The following ARHGAP8 variants were observed in gnomAD, a reference collection of about 807,000 sequenced individuals.
The protein encoded by ARHGAP8 is Rho GTPase activating protein 8.
ARHGAP8 carries 62 observed loss-of-function variants against 46.1 expected under a neutral mutation model. The ratio of observed to expected loss-of-function variants is 1.34; its 90% confidence interval spans 1.10 to 1.66. ARHGAP8 has a LOEUF of 1.66. Among genes scored for constraint, ARHGAP8 ranks in the 40% most tolerant of loss-of-function variants. The pLI, the probability that ARHGAP8 is intolerant of heterozygous loss-of-function variation, is 0.00. For missense variants in ARHGAP8, 923 were observed against 568.4 expected (o/e 1.62, Z -6.34); for synonymous variants, 375 against 243.1 (o/e 1.54, Z -5.05).
intron 4 of ARHGAP8, 98 bp from the exon 5 acceptor site, chr22:44,814,574 C>T (rs1187704042): frequency 2.0e-6 from 2 of 995,914 alleles, no homozygotes; most frequent in East Asian, 2.5e-5. Flanking sequence ...GAGTAACATT[C>T]TGAGACTCAC....
At position 44,845,460 on chromosome 22, in the gene ARHGAP8, G is replaced by A. The variant is rs560799512; in HGVS notation, c.670+118G>A. 3.6e-6 allele frequency: 5 copies of A among 1,393,498 alleles called. No individual in the cohort carries two copies. The South Asian group carries it at 6.3e-5, about 18-fold the overall frequency. The allele number at this position is 1,393,498 out of a possible 1,614,324, so 86.3% of individuals were successfully genotyped here. On this transcript the variant is annotated intron_variant, in intron 8 of 11. Transcript: ENST00000356099. ...AGGGGGTGTGACCAGGAAGGGAGGG[G>A]CTCAAGCACAGTGGCTCCAGGTCTG...
chr22:44,804,894 G>A (rs892884516), intron 3 of ARHGAP8, among the ~76,000 whole-genome samples: 2 of 152,192 alleles, frequency 1.3e-5, no homozygotes, highest in Non-Finnish European at 2.9e-5. Flanking sequence ...TGCCGGGAGC[G>A]ACTTCCACCA....
rs753869236 is a variant in ARHGAP8 at position 44,802,138 on chromosome 22, C to T, written c.141C>T (p.His47=). 21 of 1,614,032 alleles carry T rather than the reference C, an allele frequency of 1.3e-5. No homozygotes were observed. Among genetic ancestry groups the T allele is most frequent in the East Asian group, 1.1e-4 (5 of 44,890 alleles). Residue 47 remains histidine (H), a synonymous_variant, in exon 3 of 12, where the codon CAC becomes CAT. Transcript: ENST00000356099. ...GCTGCTGCCGGATGCCACCCTCCCA[C>T]GAGCTGGACCACCAGCGGCTGCTGG... ...TFSCCRMPPS[H]ELDHQRLLEY...
chr22:44,827,373 C>T (rs136667), intron 7 of ARHGAP8, among the ~76,000 whole-genome samples: 53,234 of 113,080 alleles, frequency 0.47, 11,731 homozygotes, highest in Non-Finnish European at 0.52. Flanking sequence ...GAGACAGTCT[C>T]GCTCTGTCCC....
At chr22:44,857,892 C>T (rs7291353) in intron 10 of ARHGAP8, among the ~76,000 whole-genome samples, 33,211 of 151,684 alleles carry the variant, frequency 0.22, 4,354 homozygotes, top group Admixed American at 0.26. Context: ...GCGGTTGTGA[C>T]GCTCAGCTCA....
intron 1 of ARHGAP8, among the ~76,000 whole-genome samples, chr22:44,773,240 T>C (rs1025396308): frequency 2.0e-5 from 3 of 152,218 alleles, no homozygotes; most frequent in Non-Finnish European, 4.4e-5. Context: ...TTATCTAGAT[T>C]GTTGAATGTA....
At chr22:44,770,677 A>T (rs1050892341) in intron 1 of ARHGAP8, among the ~76,000 whole-genome samples, 6 of 152,178 alleles carry the variant, frequency 3.9e-5, no homozygotes, top group African/African-American at 1.4e-4. Context: ...AAGTGCTGGG[A>T]TTACAGGCAT....
chr22:44,807,073 G>A (rs1349507856), intron 3 of ARHGAP8, among the ~76,000 whole-genome samples: 2 of 152,180 alleles, frequency 1.3e-5, no homozygotes, highest in African/African-American at 4.8e-5. Flanking sequence ...AGGCTGCTGC[G>A]GCTTTCTCCC....
At chr22:44,847,883 G>C in intron 8 of ARHGAP8, 90 bp from the exon 9 acceptor site, 1 of 1,521,742 alleles carries the variant, frequency 6.6e-7, no homozygotes, top group Non-Finnish European at 8.9e-7. Context: ...CCACAGGTGG[G>C]TGATGCCGTG....
At chr22:44,839,418 A>G (rs1931506106) in intron 7 of ARHGAP8, among the ~76,000 whole-genome samples, 1 of 152,226 alleles carries the variant, frequency 6.6e-6, no homozygotes, top group Non-Finnish European at 1.5e-5. Context: ...CAGAGTTCTA[A>G]TCACCGTTTA....
At chr22:44,846,875 AG>A (rs1218856378) in intron 8 of ARHGAP8, among the ~76,000 whole-genome samples, 1 of 150,652 alleles carries the variant, frequency 6.6e-6, no homozygotes, top group East Asian at 2.0e-4. Context: ...GGTCCCTGTT[AG>A]GGGGGTTGAC....
intron 2 of ARHGAP8, among the ~76,000 whole-genome samples, chr22:44,797,731 C>A (rs1163194947): frequency 6.6e-6 from 1 of 152,186 alleles, no homozygotes; most frequent in Non-Finnish European, 1.5e-5. Flanking sequence ...GCGGGGACAT[C>A]AAAGAGTTCA....
intron 8 of ARHGAP8, among the ~76,000 whole-genome samples, chr22:44,847,167 A>G (rs1450154614): frequency 1.3e-5 from 2 of 152,304 alleles, no homozygotes; most frequent in Non-Finnish European, 1.5e-5. Context: ...CAGGCCCCCC[A>G]AGGGCAGGCT....
chr22:44,780,035 A>G (rs2147033376), intron 1 of ARHGAP8, among the ~76,000 whole-genome samples: 1 of 152,322 alleles, frequency 6.6e-6, no homozygotes, highest in East Asian at 1.9e-4. Context: ...CAGGTGTCCC[A>G]TCTGCCAGGT....
intron 2 of ARHGAP8, among the ~76,000 whole-genome samples, chr22:44,795,962 C>T (rs1057160790): frequency 6.6e-6 from 1 of 152,206 alleles, no homozygotes; most frequent in Non-Finnish European, 1.5e-5. Flanking sequence ...CCCTGGGATC[C>T]CTACTCCTTT....
intron 5 of ARHGAP8, among the ~76,000 whole-genome samples, chr22:44,820,488 C>G (rs1422990897): frequency 6.6e-6 from 1 of 152,210 alleles, no homozygotes; most frequent in Non-Finnish European, 1.5e-5. Flanking sequence ...CTCCGGCATC[C>G]TTCCAGCAGA....
At chr22:44,784,235 C>T (rs1394220691) in intron 1 of ARHGAP8, among the ~76,000 whole-genome samples, 1 of 152,126 alleles carries the variant, frequency 6.6e-6, no homozygotes, top group East Asian at 1.9e-4. Context: ...GAAACCCTGT[C>T]TCTACTAAAA....
chr22:44,807,587 A>T (rs1929022934), intron 3 of ARHGAP8, among the ~76,000 whole-genome samples: 1 of 152,220 alleles, frequency 6.6e-6, no homozygotes, highest in Non-Finnish European at 1.5e-5. Flanking sequence ...GCAGTCAAGC[A>T]TTCCTGGGTT....
chr22:44,815,625 C>A (rs952341711), intron 5 of ARHGAP8, among the ~76,000 whole-genome samples: 4 of 150,124 alleles, frequency 2.7e-5, no homozygotes, highest in African/African-American at 5.0e-5. Flanking sequence ...AAATAAGCGG[C>A]CTAAAGAAAG....
Sources: gnomAD v4.1 joint callset for allele counts (sites outside exome capture counted in the v4.1 genomes callset) on GRCh38, gnomAD v4.1.1 for gene constraint, MANE v1.5 for transcripts, NCBI Gene and HGNC (gene_info 2026-07-23, HGNC 2026-07-21) for gene names.